The following SH3PXD2A variants were observed in gnomAD, a reference collection of about 807,000 sequenced individuals.
The protein encoded by SH3PXD2A is SH3 and PX domains 2A, also known as SH3 and PX domain-containing protein 2A.
Under a neutral mutation model 115.2 loss-of-function variants are expected in SH3PXD2A, and 32 were observed. That is an observed-to-expected ratio of 0.28 (90% confidence interval 0.21 to 0.37). The LOEUF is 0.37. Ranked by LOEUF, SH3PXD2A falls within the 10% of genes least tolerant of loss-of-function variation. The pLI is 1.00. For missense variants in SH3PXD2A, 1,328 were observed against 1,498.7 expected, an observed-to-expected ratio of 0.89 and a Z score of 1.88; for synonymous variants, 610 against 629.1, an observed-to-expected ratio of 0.97 and a Z score of 0.45.
chr10:103,608,430 G>GACAAAA (rs2036369565), intron 13 of SH3PXD2A, among the ~76,000 whole-genome samples: 2 of 85,328 alleles, frequency 2.3e-5, no homozygotes, highest in Admixed American at 1.2e-4. Context: ...TCCATGTCAA[G>GACAAAA]AAAAAAAAAA....
intron 13 of SH3PXD2A, among the ~76,000 whole-genome samples, chr10:103,608,153 A>AAAAAAAAAAAAAAAAAGTTTAC (rs2036358820): frequency 1.1e-4 from 16 of 141,640 alleles, no homozygotes; most frequent in Non-Finnish European, 2.3e-4. Flanking sequence ...ATCAATTTAA[A>AAAAAAAAAAAAAAAAAGTTTAC]AAAAAAAAAA....
intron 2 of SH3PXD2A, among the ~76,000 whole-genome samples, chr10:103,789,090 T>A (rs2039008367): frequency 6.6e-6 from 1 of 151,488 alleles, no homozygotes; most frequent in Admixed American, 6.6e-5. Context: ...CAGCTCAGGC[T>A]CCCATAGCTT....
At chr10:103,704,360 A>G (rs1427223150) in intron 5 of SH3PXD2A, among the ~76,000 whole-genome samples, 2 of 152,080 alleles carry the variant, frequency 1.3e-5, no homozygotes, top group Non-Finnish European at 2.9e-5. Flanking sequence ...GTCTGTACAG[A>G]GATGAAGAAA....
At chr10:103,752,693 C>T (rs1234051880) in intron 3 of SH3PXD2A, among the ~76,000 whole-genome samples, 1 of 152,162 alleles carries the variant, frequency 6.6e-6, no homozygotes, top group African/African-American at 2.4e-5. Flanking sequence ...TCTCAGTTTT[C>T]GTGTCACATA....
chr10:103,700,290 G>C lies in SH3PXD2A; in HGVS notation c.399-7234C>G, dbSNP rs140863764. On this transcript the variant is annotated intron_variant, in intron 5 of 14. Transcript: ENST00000369774. The stretch of plus-strand genomic sequence containing the variant: ...TCGGTTGTAAAAGGGGGTTAAAATA[G>C]TTGCTATCTTACAGAGCTGTCGTGG... Among the ~76,000 whole-genome samples the C allele has an allele frequency of 4.6e-3, 698 of 152,372 alleles. 3 individuals are homozygous for C. The highest frequency in any genetic ancestry group is 6.8e-3 in the Middle Eastern group (2 of 294).
intron 1 of SH3PXD2A, among the ~76,000 whole-genome samples, chr10:103,846,895 G>A (rs1842853033): frequency 6.6e-6 from 1 of 152,238 alleles, no homozygotes; most frequent in Non-Finnish European, 1.5e-5. Flanking sequence ...CATCAGCTGC[G>A]TGGCATCTGG....
chr10:103,842,219 C>CT (rs2039607948), intron 1 of SH3PXD2A, among the ~76,000 whole-genome samples: 1 of 148,420 alleles, frequency 6.7e-6, no homozygotes, highest in South Asian at 2.2e-4. Flanking sequence ...CATTCAACCC[C>CT]CATCTCATAC....
intron 5 of SH3PXD2A, among the ~76,000 whole-genome samples, chr10:103,708,044 C>A (rs1056341407): frequency 6.6e-6 from 1 of 150,732 alleles, no homozygotes; most frequent in African/African-American, 2.5e-5. Flanking sequence ...TTCCAGTGTC[C>A]TCCTGCGCTC....
chr10:103,718,798 C>A (rs182557563), intron 5 of SH3PXD2A, among the ~76,000 whole-genome samples: 1 of 150,892 alleles, frequency 6.6e-6, no homozygotes, highest in Admixed American at 6.6e-5. Flanking sequence ...CACACACACA[C>A]GCACATACAC....
intron 2 of SH3PXD2A, among the ~76,000 whole-genome samples, chr10:103,785,418 TC>T (rs1589453826): frequency 6.6e-6 from 1 of 152,126 alleles, no homozygotes; most frequent in East Asian, 1.9e-4. Context: ...CTAACCCCAC[TC>T]ACAGGGACTC....
chr10:103,624,289 G>C (rs1238633788), intron 9 of SH3PXD2A, among the ~76,000 whole-genome samples: 1 of 152,204 alleles, frequency 6.6e-6, no homozygotes, highest in East Asian at 1.9e-4. Context: ...AGAAGACCGT[G>C]GTCTGTTCCG....
chr10:103,602,355 C>CG lies in SH3PXD2A; in HGVS notation c.2862dup (p.Gly955ArgfsTer47). On this transcript the variant is annotated frameshift_variant, in exon 15 of 15. Transcript: ENST00000369774. LOFTEE classifies it high-confidence loss of function. Reference sequence around the variant, plus strand: ...GTGCCTGAGGTCTTGCCGAAGCCCCCGGGAGGTTTGGAGGGGATGGGGGGC... The same window carrying CG: ...GTGCCTGAGGTCTTGCCGAAGCCCCCGGGGAGGTTTGGAGGGGATGGGGGGC... 1 of 1,613,506 alleles carries CG rather than the reference C, an allele frequency of 6.2e-7. No homozygotes were observed. The highest frequency in any genetic ancestry group is 8.5e-7 in the Non-Finnish European group (1 of 1,179,794).
intron 7 of SH3PXD2A, chr10:103,661,692 G>A (rs974992567): frequency 3.0e-6 from 3 of 985,194 alleles, no homozygotes; most frequent in Non-Finnish European, 3.6e-6. Flanking sequence ...GAGAGAGCGG[G>A]AGAGAGCTTC....
chr10:103,611,627 G>T lies in SH3PXD2A; in HGVS notation c.1262C>A (p.Ser421Tyr), dbSNP rs779180648. Residue 421 changes from serine to tyrosine, a missense_variant, in exon 13 of 15, where the codon TCC becomes TAC. Transcript: ENST00000369774. ...RIAPQRAQIS[S>Y]PNLRTRPPPR... ...TGGAGGTCTTGTCCGTAGGTTCGGG[G>T]AGCCTAGAGGAAGAGACATGGCTTC... The T allele has an allele frequency of 1.2e-6, 2 of 1,613,758 alleles. No individual in the cohort carries two copies. The highest frequency in any genetic ancestry group is 2.2e-5 in the East Asian group (1 of 44,896).
chr10:103,603,187 G>A lies in SH3PXD2A; in HGVS notation c.2031C>T (p.Ala677=), dbSNP rs1363904864. The change falls in exon 15 of 15, where the codon GCC becomes GCT. Residue 677 remains alanine, a synonymous_variant. Transcript: ENST00000369774. ...AGTGGTTCTTCCCCATTTCTGCCTG[G>A]GCATTCTTCTCTGCCTTGAGCTTTA... The part of the protein sequence containing the change: ...SLLKLKAEKN[A]QAEMGKNHSS... The A allele has an allele frequency of 1.2e-6, 2 of 1,614,096 alleles. No homozygotes were observed. Among genetic ancestry groups the A allele is most frequent in the East Asian group, 4.5e-5 (2 of 44,884 alleles).
At chr10:103,681,804 G>A (rs1008730289) in intron 6 of SH3PXD2A, among the ~76,000 whole-genome samples, 2 of 152,134 alleles carry the variant, frequency 1.3e-5, no homozygotes, top group African/African-American at 2.4e-5. Context: ...GGCCAGATGC[G>A]GTGGCTCATA....
At chr10:103,779,121 T>C (rs567689376) in intron 2 of SH3PXD2A, among the ~76,000 whole-genome samples, 1 of 152,110 alleles carries the variant, frequency 6.6e-6, no homozygotes, top group East Asian at 1.9e-4. Flanking sequence ...CAGGCTGGAG[T>C]GTACTGACAC....
chr10:103,685,766 C>G (rs900093134), intron 6 of SH3PXD2A, among the ~76,000 whole-genome samples: 11 of 152,188 alleles, frequency 7.2e-5, no homozygotes, highest in Non-Finnish European at 1.6e-4. Context: ...CAAGATCACA[C>G]AGCAGGCAGA....
At chr10:103,806,088 T>C (rs1195808550) in intron 1 of SH3PXD2A, among the ~76,000 whole-genome samples, 4 of 152,136 alleles carry the variant, frequency 2.6e-5, no homozygotes, top group African/African-American at 7.2e-5. Context: ...TGCTAACATC[T>C]TGCACCCTAC....
Sources: gnomAD v4.1 joint callset for allele counts (sites outside exome capture counted in the v4.1 genomes callset) on GRCh38, gnomAD v4.1.1 for gene constraint, MANE v1.5 for transcripts, NCBI Gene and HGNC (gene_info 2026-07-23, HGNC 2026-07-21) for gene names.